STARD13: variants seen among roughly 807,000 people sequenced by gnomAD.
The protein encoded by STARD13 is StAR related lipid transfer domain containing 13.
STARD13 carries 62 observed loss-of-function variants against 106.4 expected under a neutral mutation model. That is an observed-to-expected ratio of 0.58 (90% CI 0.48 to 0.72). The LOEUF is 0.72. STARD13 is among the 30% of genes least tolerant of loss of function. The probability of loss-of-function intolerance (pLI) is 0.00; values close to 1 mark genes in which losing one functional copy is unlikely to be tolerated. For synonymous variants in STARD13, 565 were observed against 553.0 expected (o/e 1.02, Z -0.31); for missense variants, 1,387 against 1,424.0 (o/e 0.97, Z 0.42).
At chr13:33,110,456 A>G (rs1425928537) in intron 11 of STARD13, among the ~76,000 whole-genome samples, 1 of 152,200 alleles carries the variant, frequency 6.6e-6, no homozygotes, top group Non-Finnish European at 1.5e-5. Flanking sequence ...AACATCACAC[A>G]GCTACGGGGG....
At chr13:33,149,324 C>G (rs1880961429) in intron 3 of STARD13, among the ~76,000 whole-genome samples, 1 of 152,174 alleles carries the variant, frequency 6.6e-6, no homozygotes, top group African/African-American at 2.4e-5. Flanking sequence ...TATGAAAACT[C>G]TCTGTAGTTT....
chr13:33,356,598 A>T, the STARD13 span, among the ~76,000 whole-genome samples: 1 of 152,230 alleles, frequency 6.6e-6, no homozygotes, highest in African/African-American at 2.4e-5. Flanking sequence ...TAAAATGGGG[A>T]TTATAATAAT....
the STARD13 span, among the ~76,000 whole-genome samples, chr13:33,402,655 A>AAGCAGATG: frequency 1.3e-5 from 2 of 152,224 alleles, no homozygotes; most frequent in Non-Finnish European, 1.5e-5. Flanking sequence ...CAGGCTCCAG[A>AAGCAGATG]AGCAGATGAG....
intron 1 of STARD13, among the ~76,000 whole-genome samples, chr13:33,206,594 C>T (rs1209799479): frequency 6.6e-6 from 1 of 152,166 alleles, no homozygotes; most frequent in Non-Finnish European, 1.5e-5. Flanking sequence ...ATTTACACTG[C>T]CAATGAACTT....
chr13:33,524,849 T>C, the STARD13 span, among the ~76,000 whole-genome samples: 2 of 152,106 alleles, frequency 1.3e-5, no homozygotes, highest in Non-Finnish European at 2.9e-5. Flanking sequence ...TATTTTTGTG[T>C]GTGCGGTGGG....
At chr13:33,300,268 C>T (rs1009415144) in intron 1 of STARD13, among the ~76,000 whole-genome samples, 1 of 152,172 alleles carries the variant, frequency 6.6e-6, no homozygotes, top group Non-Finnish European at 1.5e-5. Context: ...TATTAGTGCT[C>T]TCCTTCCCAT....
At chr13:33,202,367 A>G (rs1466757555) in intron 1 of STARD13, among the ~76,000 whole-genome samples, 1 of 152,210 alleles carries the variant, frequency 6.6e-6, no homozygotes, top group Non-Finnish European at 1.5e-5. Flanking sequence ...AGACACAAAA[A>G]TGGGTACCAG....
chr13:33,138,549 A>C lies in STARD13; in HGVS notation c.387+3761T>G, dbSNP rs185221512. 4.0e-5 allele frequency: 7 copies of C among 174,876 alleles called. No individual in the cohort carries two copies. The South Asian group carries it at 8.1e-4, about 20-fold the overall frequency. 10.8% of individuals were successfully genotyped at this position (174,876 alleles called of 1,614,324 possible). A position where few individuals can be genotyped will look rare whatever the true frequency, so the allele number is the denominator to read the frequency against. On this transcript the variant is annotated intron_variant, in intron 4 of 13. Transcript: ENST00000336934. ...GAATTTGGCCATATCTTTACACTGG[A>C]AACAGGAACCCACACGAATCCACAG...
intron 3 of STARD13, chr13:33,158,557 A>G (rs1470780558): frequency 1.3e-5 from 2 of 152,244 alleles, no homozygotes; most frequent in South Asian, 2.1e-4. Flanking sequence ...CATACATGAA[A>G]TGTAGAGCCC....
At chr13:33,112,667 A>G (rs1304790298) in intron 9 of STARD13, 54 bp downstream of exon 9, 8 of 1,401,910 alleles carry the variant, frequency 5.7e-6, no homozygotes, top group Middle Eastern at 1.8e-4. Context: ...AGTCTTATGA[A>G]CTGTGGGAAT....
At chr13:33,238,113 C>T (rs1889283689) in intron 1 of STARD13, among the ~76,000 whole-genome samples, 1 of 152,184 alleles carries the variant, frequency 6.6e-6, no homozygotes, top group Non-Finnish European at 1.5e-5. Flanking sequence ...ATCTAGGACT[C>T]TCTTTCAGAT....
chr13:33,551,320 TTGAC>T, the STARD13 span, among the ~76,000 whole-genome samples: 1 of 152,224 alleles, frequency 6.6e-6, no homozygotes, highest in African/African-American at 2.4e-5. Flanking sequence ...TATCTGCATT[TTGAC>T]TGTGATCCAT....
At chr13:33,172,742 C>G (rs1884116707) in intron 1 of STARD13, among the ~76,000 whole-genome samples, 1 of 152,092 alleles carries the variant, frequency 6.6e-6, no homozygotes, top group African/African-American at 2.4e-5. Context: ...TTCTAAATGA[C>G]CAAAAATTCA....
chr13:33,190,358 C>T (rs1298238677), intron 1 of STARD13, among the ~76,000 whole-genome samples: 2 of 152,080 alleles, frequency 1.3e-5, no homozygotes, highest in African/African-American at 4.8e-5. Flanking sequence ...GAGGTAGAGG[C>T]TGCAGTAAGC....
intron 1 of STARD13, among the ~76,000 whole-genome samples, chr13:33,312,365 A>G (rs746853244): frequency 6.6e-6 from 1 of 152,162 alleles, no homozygotes; most frequent in Non-Finnish European, 1.5e-5. Flanking sequence ...TTTCAAGTTG[A>G]AATTCCCTTG....
At chr13:33,117,790 A>G (rs1337952680) in intron 8 of STARD13, 2 of 972,782 alleles carry the variant, frequency 2.1e-6, no homozygotes, top group Non-Finnish European at 2.4e-6. Flanking sequence ...AATTTTTGTA[A>G]ATGTATTGAA....
intron 1 of STARD13, among the ~76,000 whole-genome samples, chr13:33,326,963 G>A (rs767230444): frequency 6.6e-6 from 1 of 152,200 alleles, no homozygotes; most frequent in Non-Finnish European, 1.5e-5. Context: ...TGTGTGAACT[G>A]TGGTTGTATG....
intron 1 of STARD13, among the ~76,000 whole-genome samples, chr13:33,262,668 C>A (rs1274684661): frequency 1.4e-5 from 2 of 143,368 alleles, no homozygotes; most frequent in African/African-American, 5.3e-5. Flanking sequence ...ACACAACACA[C>A]ACACACACAC....
intron 1 of STARD13, chr13:33,186,184 T>G: frequency 1.3e-6 from 1 of 782,396 alleles, no homozygotes; most frequent in South Asian, 2.3e-5. Flanking sequence ...TTCATTCCCA[T>G]TAAAAAGGAA....
Sources: gnomAD v4.1 joint callset for allele counts (sites outside exome capture counted in the v4.1 genomes callset) on GRCh38, gnomAD v4.1.1 for gene constraint, MANE v1.5 for transcripts, NCBI Gene and HGNC (gene_info 2026-07-23, HGNC 2026-07-21) for gene names.